The following ZC3H18 variants were observed in gnomAD, a reference collection of about 807,000 sequenced individuals.
ZC3H18 encodes the protein zinc finger CCCH domain-containing protein 18.
In ZC3H18, 8 loss-of-function variants were observed where a neutral mutation model predicts 106.1. That is an observed-to-expected ratio of 0.08 (90% CI 0.04 to 0.14). ZC3H18 has a LOEUF of 0.14. ZC3H18 is among the 10% of genes least tolerant of loss of function. The pLI, the probability that ZC3H18 is intolerant of heterozygous loss-of-function variation, is 1.00. For synonymous variants in ZC3H18, 635 were observed against 522.1 expected, an observed-to-expected ratio of 1.22 and a Z score of -2.95; for missense variants, 1,318 against 1,278.4, an observed-to-expected ratio of 1.03 and a Z score of -0.47.
At chr16:88,601,389 T>C (rs143328334) in intron 6 of ZC3H18, among the ~76,000 whole-genome samples, 30 of 152,258 alleles carry the variant, frequency 2.0e-4, no homozygotes, top group Admixed American at 6.5e-5. Context: ...TCTATAAATA[T>C]GTGTGGGGAA....
chr16:88,626,385 A>C (rs990926438), intron 13 of ZC3H18: 1 of 137,216 alleles, frequency 7.3e-6, no homozygotes, highest in African/African-American at 2.6e-5. Context: ...GTCTCAAAAC[A>C]AAAAAAAAGG....
At chr16:88,617,666 C>T (rs921145274) in intron 8 of ZC3H18, among the ~76,000 whole-genome samples, 1 of 152,244 alleles carries the variant, frequency 6.6e-6, no homozygotes, top group Non-Finnish European at 1.5e-5. Context: ...TTGAGCTTGG[C>T]AGGCTCCTGC....
Position 88,631,078 on chromosome 16 carries a change from A to C in ZC3H18, c.2664-23A>C, listed in dbSNP as rs530130123. On this transcript the variant is annotated intron_variant, in intron 17 of 17. Transcript: ENST00000301011. ...TGCAGACGTGGCTTCTGGGGGCTCA[A>C]GGTCTTCCCCACCCCCTTGTAGGAA... 5 of 1,610,528 alleles carry C rather than the reference A, an allele frequency of 3.1e-6. No homozygotes were observed. The Admixed American group carries it at 6.7e-5, about 21-fold the overall frequency.
At chr16:88,571,502 G>A (rs1468862074) in intron 1 of ZC3H18, 1 of 494,480 alleles carries the variant, frequency 2.0e-6, no homozygotes. Context: ...TCCCAGCTTT[G>A]GGAGGAGAGT....
At chr16:88,613,409 T>G (rs1448448521) in intron 8 of ZC3H18, among the ~76,000 whole-genome samples, 2 of 152,248 alleles carry the variant, frequency 1.3e-5, no homozygotes, top group South Asian at 2.1e-4. Flanking sequence ...TTTAGCTGTT[T>G]GAGAAACCCT....
intron 3 of ZC3H18, among the ~76,000 whole-genome samples, chr16:88,590,131 C>T (rs1354416046): frequency 6.6e-6 from 1 of 152,078 alleles, no homozygotes; most frequent in African/African-American, 2.4e-5. Flanking sequence ...TTTTAAATTA[C>T]TTGTAGAGAT....
chr16:88,604,108 T>G (rs1162467406), intron 6 of ZC3H18, among the ~76,000 whole-genome samples: 1 of 152,098 alleles, frequency 6.6e-6, no homozygotes, highest in African/African-American at 2.4e-5. Flanking sequence ...TCCTAGTGTT[T>G]TGGGAGGTCA....
chr16:88,603,724 G>A (rs1053486169), intron 6 of ZC3H18, among the ~76,000 whole-genome samples: 23 of 149,668 alleles, frequency 1.5e-4, no homozygotes, highest in Admixed American at 2.7e-4. Context: ...CTGGGTTCAC[G>A]CCATTCTTCT....
chr16:88,602,542 A>G (rs1204661648), intron 6 of ZC3H18, among the ~76,000 whole-genome samples: 1 of 152,238 alleles, frequency 6.6e-6, no homozygotes, highest in Non-Finnish European at 1.5e-5. Flanking sequence ...GGGAGAGCCC[A>G]GGCCAGTGGT....
In ZC3H18 at chr16:88,611,532, C is replaced by A; in HGVS notation, c.1471C>A (p.Pro491Thr). The A allele has an allele frequency of 6.5e-7, 1 of 1,549,582 alleles. No individual in the cohort carries two copies. Among genetic ancestry groups the A allele is most frequent in the Non-Finnish European group, 8.7e-7 (1 of 1,146,524 alleles). The change falls in exon 8 of 18, where the codon CCA becomes ACA. Residue 491 changes from proline (P) to threonine (T), a missense_variant. This residue lies in a region of ZC3H18 where 848 missense variants were observed against 821.7 expected (regional missense o/e 1.03). Transcript: ENST00000301011. The part of the protein sequence containing the change: ...GKPKPRSPQP[P>T]SRQAEPPKKE... ...GCCCAAGCCCCGCTCCCCGCAGCCG[C>A]CAAGGTAGACCCTGCTTCCTGAAGC...
intron 6 of ZC3H18, among the ~76,000 whole-genome samples, chr16:88,601,842 G>C (rs547121414): frequency 1.8e-4 from 27 of 152,154 alleles, no homozygotes; most frequent in African/African-American, 5.8e-4. Context: ...CTGGGAACAG[G>C]GTCAGGGTGC....
intron 5 of ZC3H18, 40 bp from the exon 6 acceptor site, chr16:88,599,751 A>T: frequency 1.3e-6 from 2 of 1,587,136 alleles, no homozygotes; most frequent in Non-Finnish European, 1.7e-6. Flanking sequence ...GACGCCCGGT[A>T]TTCTGTTCCA....
At chr16:88,580,436 G>A (rs1567577319) in intron 2 of ZC3H18, among the ~76,000 whole-genome samples, 2 of 152,140 alleles carry the variant, frequency 1.3e-5, no homozygotes, top group Non-Finnish European at 2.9e-5. Flanking sequence ...ACAGATGGAA[G>A]GGAGTTCACG....
At position 88,627,513 on chromosome 16, in the gene ZC3H18, G is replaced by A. The variant is rs1034279012; in HGVS notation, c.2109-109G>A. On this transcript the variant is annotated intron_variant, in intron 13 of 17. Transcript: ENST00000301011. This position sits in a 1 kb window ranked among gnomAD's most constrained non-coding sequence, Gnocchi z 4.5. ...CCCCCCAAAATCACACATTCCGTGG[G>A]TACATGATCCATAAATGGACACTGC... 7.0e-7 allele frequency: 1 copy of A among 1,434,624 alleles called. No individual in the cohort carries two copies. Among genetic ancestry groups the A allele is most frequent in the Non-Finnish European group, 9.4e-7 (1 of 1,061,968 alleles). 88.9% of individuals were successfully genotyped at this position (1,434,624 alleles called of 1,614,324 possible).
chr16:88,631,540 G>A lies in ZC3H18; in HGVS notation c.*241G>A, dbSNP rs75474619. Reference sequence around the variant, plus strand: ...CACAGACAGCGCTAGTGACCAGCACGGTTCTCATGTAAATTACAAGCCCCA... The same window carrying A: ...CACAGACAGCGCTAGTGACCAGCACAGTTCTCATGTAAATTACAAGCCCCA... On this transcript the variant is annotated 3_prime_UTR_variant, in exon 18 of 18. Coordinates refer to ENST00000301011, the MANE Select transcript of ZC3H18 (RefSeq NM_144604.4). 1.8e-3 allele frequency: 1,096 copies of A among 624,716 alleles called. 10 individuals carry two copies. In the African/African-American group the frequency reaches 0.018, roughly 10 times the overall value. 38.7% of individuals were successfully genotyped at this position (624,716 alleles called of 1,614,324 possible). A position where few individuals can be genotyped will look rare whatever the true frequency, so the allele number is the denominator to read the frequency against.
At chr16:88,585,141 A>C (rs763488204) in intron 2 of ZC3H18, among the ~76,000 whole-genome samples, 2 of 152,208 alleles carry the variant, frequency 1.3e-5, no homozygotes, top group Non-Finnish European at 2.9e-5. Flanking sequence ...TTCTCTGATC[A>C]TTTCTTTTTT....
intron 4 of ZC3H18, 132 bp downstream of exon 4, chr16:88,598,458 G>A: frequency 6.8e-7 from 1 of 1,478,680 alleles, no homozygotes; most frequent in Non-Finnish European, 9.2e-7. Context: ...GTCGTCCCGA[G>A]TGGAAGCAGG....
At chr16:88,630,254 C>T (rs1368090884) in intron 16 of ZC3H18, 7 of 512,088 alleles carry the variant, frequency 1.4e-5, no homozygotes, top group Non-Finnish European at 2.1e-5. Context: ...ATATTGGCTG[C>T]TTGCTGGAAC....
chr16:88,570,805 G>C (rs919908664), intron 1 of ZC3H18, among the ~76,000 whole-genome samples: 2 of 152,110 alleles, frequency 1.3e-5, no homozygotes, highest in African/African-American at 4.8e-5. Flanking sequence ...CTGGGCGCCC[G>C]AGCTCCTCGC....
Sources: gnomAD v4.1 joint callset for allele counts (sites outside exome capture counted in the v4.1 genomes callset) on GRCh38, gnomAD v4.1.1 for gene constraint, gnomAD v4.1.1 regional missense constraint, Gnocchi (gnomAD v3.1) non-coding constraint, MANE v1.5 for transcripts, NCBI Gene and HGNC (gene_info 2026-07-23, HGNC 2026-07-21) for gene names.